CAPZB: variants seen among roughly 807,000 people sequenced by gnomAD.
CAPZB encodes the protein capping actin protein of muscle Z-line subunit beta, also known as F-actin-capping protein subunit beta.
Under a neutral mutation model 38.1 loss-of-function variants are expected in CAPZB, and 2 were observed. The ratio of observed to expected loss-of-function variants is 0.05; its 90% confidence interval spans 0.02 to 0.17. CAPZB has a LOEUF of 0.17. CAPZB is among the 10% of genes least tolerant of loss of function. CAPZB has a pLI of 1.00. For missense variants in CAPZB, 161 were observed against 334.2 expected, an observed-to-expected ratio of 0.48 and a Z score of 4.04; for synonymous variants, 107 against 127.4, an observed-to-expected ratio of 0.84 and a Z score of 1.08.
chr1:19,472,777 G>T (rs972487133), intron 1 of CAPZB, among the ~76,000 whole-genome samples: 4 of 136,332 alleles, frequency 2.9e-5, no homozygotes, highest in African/African-American at 1.1e-4. Context: ...GAGTGCAGTG[G>T]CACGATCTCG....
intron 2 of CAPZB, among the ~76,000 whole-genome samples, chr1:19,403,374 G>A (rs1570149918): frequency 6.6e-6 from 1 of 152,214 alleles, no homozygotes; most frequent in African/African-American, 2.4e-5. Context: ...GGGAAGTGAG[G>A]CTCCAGCGGA....
intron 2 of CAPZB, among the ~76,000 whole-genome samples, chr1:19,398,828 C>T (rs1208701779): frequency 6.6e-6 from 1 of 150,742 alleles, no homozygotes; most frequent in African/African-American, 2.4e-5. Context: ...GCATCTCTGT[C>T]TGTCAAAGGC....
At chr1:19,416,229 T>C (rs1400879695) in intron 2 of CAPZB, among the ~76,000 whole-genome samples, 1 of 152,218 alleles carries the variant, frequency 6.6e-6, no homozygotes, top group Non-Finnish European at 1.5e-5. Context: ...ACATTTTAGA[T>C]TACTAATGAA....
At chr1:19,484,333 C>T (rs1214628617) in intron 1 of CAPZB, 6 of 1,581,152 alleles carry the variant, frequency 3.8e-6, no homozygotes, top group Non-Finnish European at 5.2e-6. Flanking sequence ...AAGGCCACGG[C>T]CTCACAAGGG....
intron 4 of CAPZB, among the ~76,000 whole-genome samples, chr1:19,371,901 G>A (rs2094121253): frequency 6.6e-6 from 1 of 152,226 alleles, no homozygotes; most frequent in Non-Finnish European, 1.5e-5. Context: ...AACATCAAAT[G>A]GCGGGAAGGA....
intron 1 of CAPZB, chr1:19,484,311 T>G: frequency 6.3e-7 from 1 of 1,598,770 alleles, no homozygotes; most frequent in Non-Finnish European, 8.5e-7. Flanking sequence ...ATCCAGGGCC[T>G]GGTGGCCCCC....
chr1:19,368,872 A>T (rs1052669647), intron 4 of CAPZB, among the ~76,000 whole-genome samples: 1 of 152,106 alleles, frequency 6.6e-6, no homozygotes, highest in Non-Finnish European at 1.5e-5. Context: ...TTTCCATCAC[A>T]GAAGCCTCGG....
intron 1 of CAPZB, among the ~76,000 whole-genome samples, chr1:19,436,314 G>A (rs2094457987): frequency 6.6e-6 from 1 of 152,128 alleles, no homozygotes. Context: ...AGTCACTCAG[G>A]AGCCAGCTCG....
At chr1:19,378,435 G>A (rs2094154547) in intron 4 of CAPZB, 105 bp downstream of exon 4, 2 of 721,292 alleles carry the variant, frequency 2.8e-6, no homozygotes, top group African/African-American at 3.5e-5. Flanking sequence ...CAGATTCAAG[G>A]GAGAATGCTT....
chr1:19,395,177 T>G (rs1467723511), intron 2 of CAPZB, among the ~76,000 whole-genome samples: 1 of 152,202 alleles, frequency 6.6e-6, no homozygotes, highest in Non-Finnish European at 1.5e-5. Context: ...CTGTACCTGC[T>G]CATATGAGGC....
rs1045444647 is a variant in CAPZB, at chr1:19,479,156, G to A, written c.3+6280C>T. On this transcript the variant is annotated intron_variant, in intron 1 of 8. Transcript: ENST00000264202. ...GTCTAGGAGACGGAGGTTGCAGGGAGTCGAGATCGTGCCACTGTACTCCAG... is the reference window on the plus strand; with the variant it reads ...GTCTAGGAGACGGAGGTTGCAGGGAATCGAGATCGTGCCACTGTACTCCAG... Among the ~76,000 whole-genome samples, 4 of 152,220 alleles carry A rather than the reference G, an allele frequency of 2.6e-5. No homozygotes were observed. In the South Asian group the frequency reaches 8.3e-4, roughly 31 times the overall value.
intron 4 of CAPZB, among the ~76,000 whole-genome samples, chr1:19,367,690 C>T (rs977949681): frequency 6.6e-6 from 1 of 152,172 alleles, no homozygotes; most frequent in Non-Finnish European, 1.5e-5. Flanking sequence ...AACAATCCCC[C>T]GAGTCAACAT....
intron 1 of CAPZB, among the ~76,000 whole-genome samples, chr1:19,469,116 C>T (rs560102115): frequency 4.6e-4 from 70 of 152,206 alleles, no homozygotes; most frequent in Middle Eastern, 3.4e-3. Flanking sequence ...GAGACGGGTA[C>T]GAAGGCCAGC....
intron 2 of CAPZB, among the ~76,000 whole-genome samples, chr1:19,391,611 T>C (rs573284430): frequency 6.6e-6 from 1 of 152,282 alleles, no homozygotes; most frequent in East Asian, 1.9e-4. Context: ...TACACTCGTG[T>C]CAGAAACAAA....
At chr1:19,480,100 G>C (rs1281578081) in intron 1 of CAPZB, among the ~76,000 whole-genome samples, 1 of 152,116 alleles carries the variant, frequency 6.6e-6, no homozygotes, top group Non-Finnish European at 1.5e-5. Flanking sequence ...GCAGACCACA[G>C]CACCCATGGG....
intron 2 of CAPZB, among the ~76,000 whole-genome samples, chr1:19,393,414 C>T (rs1320043545): frequency 2.6e-5 from 4 of 152,208 alleles, no homozygotes; most frequent in African/African-American, 9.7e-5. Flanking sequence ...ATAATAGCCA[C>T]GTGAGCTAGG....
chr1:19,355,830 A>T lies in CAPZB; in HGVS notation c.588+805T>A, dbSNP rs187873274. 3.3e-3 allele frequency among the ~76,000 whole-genome samples: 497 copies of T among 152,302 alleles called. 3 individuals are homozygous for T. The highest frequency in any genetic ancestry group is 0.011 in the African/African-American group (458 of 41,564). On this transcript the variant is annotated intron_variant, in intron 6 of 8. Coordinates refer to ENST00000264202, the MANE Select transcript of CAPZB (RefSeq NM_004930.5). ...GTGGCACTGCACTGGCACAGGTTTA[A>T]GGCCTTCTCTTGGGATGGGAATGTA...
At chr1:19,416,337 C>A (rs2094379155) in intron 2 of CAPZB, among the ~76,000 whole-genome samples, 1 of 152,162 alleles carries the variant, frequency 6.6e-6, no homozygotes, top group Non-Finnish European at 1.5e-5. Flanking sequence ...CCCAAAGGAA[C>A]CTGGCAAGCA....
intron 1 of CAPZB, among the ~76,000 whole-genome samples, chr1:19,421,206 T>C (rs1158809159): frequency 1.3e-5 from 2 of 152,218 alleles, no homozygotes; most frequent in Non-Finnish European, 2.9e-5. Context: ...AATGCCACAT[T>C]TGGCCTTAAC....
Sources: gnomAD v4.1 joint callset for allele counts (sites outside exome capture counted in the v4.1 genomes callset) on GRCh38, gnomAD v4.1.1 for gene constraint, MANE v1.5 for transcripts, NCBI Gene and HGNC (gene_info 2026-07-23, HGNC 2026-07-21) for gene names.